Variants in NOVA1 observed in about 807,000 individuals in gnomAD.
NOVA1 encodes NOVA alternative splicing regulator 1.
NOVA1 carries 7 observed loss-of-function variants against 38.0 expected under a neutral mutation model. That is an observed-to-expected ratio of 0.18 (90% CI 0.10 to 0.35). The LOEUF (loss-of-function observed/expected upper bound fraction) is 0.35, where lower values mean the gene tolerates loss of function less well. NOVA1 is among the 10% of genes least tolerant of loss of function. The pLI is 1.00. For synonymous variants in NOVA1, 270 were observed against 232.5 expected (o/e 1.16, Z -1.47); for missense variants, 460 against 616.0 (o/e 0.75, Z 2.68).
chr14:26,531,572 ACTCCAGC>A (rs1384197884), intron 2 of NOVA1, among the ~76,000 whole-genome samples: 1 of 151,970 alleles, frequency 6.6e-6, no homozygotes, highest in Non-Finnish European at 1.5e-5. Flanking sequence ...GCGCCATTGC[ACTCCAGC>A]CTAAGCAACA....
chr14:26,584,612 C>T (rs1389348674), intron 2 of NOVA1, among the ~76,000 whole-genome samples: 1 of 151,344 alleles, frequency 6.6e-6, no homozygotes, highest in Non-Finnish European at 1.5e-5. Context: ...CAGCAATATC[C>T]ACTTTTTATC....
chr14:26,536,802 T>A (rs1890131439), intron 2 of NOVA1, among the ~76,000 whole-genome samples: 1 of 152,124 alleles, frequency 6.6e-6, no homozygotes, highest in Non-Finnish European at 1.5e-5. Context: ...ATTCTAATAG[T>A]TTTTCGAGAA....
At chr14:26,597,167 G>A (rs925677373) in intron 1 of NOVA1, 134 bp downstream of exon 1, 2 of 1,182,532 alleles carry the variant, frequency 1.7e-6, no homozygotes, top group Non-Finnish European at 2.1e-6. Flanking sequence ...GGGCGCAGGG[G>A]CCGCCGGGTT....
chr14:26,480,890 T>G (rs956159794), intron 2 of NOVA1, among the ~76,000 whole-genome samples: 3 of 152,040 alleles, frequency 2.0e-5, no homozygotes, highest in Non-Finnish European at 4.4e-5. Context: ...TTTATGAAAC[T>G]TGAAATTCAC....
intron 4 of NOVA1, among the ~76,000 whole-genome samples, chr14:26,449,882 C>G (rs1025941271): frequency 6.6e-6 from 1 of 151,974 alleles, no homozygotes; most frequent in African/African-American, 2.4e-5. Flanking sequence ...TTGAAACATC[C>G]AGCCACAAAA....
chr14:26,577,391 T>C (rs941694450), intron 2 of NOVA1, among the ~76,000 whole-genome samples: 4 of 152,106 alleles, frequency 2.6e-5, no homozygotes, highest in African/African-American at 7.2e-5. Flanking sequence ...ATCTTTGAAA[T>C]TGTAAATAGT....
chr14:26,457,932 T>C (rs185502559), intron 4 of NOVA1, among the ~76,000 whole-genome samples: 65 of 152,092 alleles, frequency 4.3e-4, no homozygotes, highest in Middle Eastern at 3.4e-3. Flanking sequence ...TCTTAGCTTT[T>C]AATTAAAAAG....
intron 3 of NOVA1, among the ~76,000 whole-genome samples, chr14:26,477,393 A>C (rs1035920290): frequency 1.3e-5 from 2 of 152,132 alleles, no homozygotes; most frequent in African/African-American, 4.8e-5. Context: ...TTAAGAATTA[A>C]ATATTCCACA....
intron 4 of NOVA1, among the ~76,000 whole-genome samples, chr14:26,454,573 C>T (rs2022735): frequency 6.6e-6 from 1 of 152,130 alleles, no homozygotes; most frequent in African/African-American, 2.4e-5. Flanking sequence ...GGAAATACAA[C>T]TCCCTTTTTT....
intron 4 of NOVA1, among the ~76,000 whole-genome samples, chr14:26,467,928 T>G (rs1167742982): frequency 6.6e-6 from 1 of 152,148 alleles, no homozygotes; most frequent in Non-Finnish European, 1.5e-5. Context: ...GACAATTCTT[T>G]GAAAACTTCC....
intron 2 of NOVA1, among the ~76,000 whole-genome samples, chr14:26,507,551 TA>T (rs1332217849): frequency 3.9e-5 from 6 of 152,204 alleles, no homozygotes; most frequent in Non-Finnish European, 8.8e-5. Flanking sequence ...TATATTTCAT[TA>T]TTTTTATTGT....
intron 2 of NOVA1, among the ~76,000 whole-genome samples, chr14:26,490,477 C>A (rs1886249440): frequency 6.6e-6 from 1 of 152,162 alleles, no homozygotes; most frequent in Non-Finnish European, 1.5e-5. Flanking sequence ...AAAAGGGTTC[C>A]AATTTCTGTA....
chr14:26,470,172 C>T, intron 4 of NOVA1: 3 of 860,002 alleles, frequency 3.5e-6, no homozygotes, highest in Non-Finnish European at 3.0e-6. Flanking sequence ...TCCATTAGTT[C>T]TTTTCATTAC....
chr14:26,451,641 G>A (rs1170692428), intron 4 of NOVA1, among the ~76,000 whole-genome samples: 3 of 152,004 alleles, frequency 2.0e-5, no homozygotes, highest in African/African-American at 7.2e-5. Flanking sequence ...CCAAAATGCT[G>A]GGATTACAAC....
intron 2 of NOVA1, among the ~76,000 whole-genome samples, chr14:26,572,725 A>AGTGTGTGTGTGTGTGTGTGTGTGTGTGT (rs56021646): frequency 7.9e-5 from 11 of 138,546 alleles, no homozygotes; most frequent in South Asian, 2.6e-4. Flanking sequence ...AAGGAACCGC[A>AGTGTGTGTGTGTGTGTGTGTGTGTGTGT]GTGTGTGTGT....
intron 2 of NOVA1, among the ~76,000 whole-genome samples, chr14:26,591,997 TA>T (rs2138814845): frequency 6.6e-6 from 1 of 151,636 alleles, no homozygotes; most frequent in African/African-American, 2.4e-5. Flanking sequence ...TCCAACACTA[TA>T]ATGAAGGATT....
At chr14:26,469,769 T>A (rs573604242) in intron 4 of NOVA1, among the ~76,000 whole-genome samples, 2 of 152,124 alleles carry the variant, frequency 1.3e-5, no homozygotes, top group Non-Finnish European at 2.9e-5. Context: ...TCAAAATGTA[T>A]ACATTTTTAG....
chr14:26,488,433 A>C (rs996140486), intron 2 of NOVA1, among the ~76,000 whole-genome samples: 2 of 152,224 alleles, frequency 1.3e-5, no homozygotes, highest in African/African-American at 4.8e-5. Context: ...AGCTATTCCC[A>C]TAAAGTAGCA....
chr14:26,481,988 T>TAAAAAAAAAAAAAAAA (rs372806170), intron 2 of NOVA1, among the ~76,000 whole-genome samples: 62 of 105,916 alleles, frequency 5.9e-4, no homozygotes, highest in Non-Finnish European at 6.2e-4. Flanking sequence ...TAGATAGAGA[T>TAAAAAAAAAAAAAAAA]AAAAAAAAAA....
Sources: allele counts gnomAD v4.1 joint callset (sites outside exome capture counted in the v4.1 genomes callset), GRCh38; gene constraint gnomAD v4.1.1; transcripts MANE v1.5; gene names NCBI Gene and HGNC (gene_info 2026-07-23, HGNC 2026-07-21).